AHNAK2: variants seen among roughly 807,000 people sequenced by gnomAD.
The protein encoded by AHNAK2 is AHNAK nucleoprotein 2.
A neutral mutation model predicts 30.7 loss-of-function variants in AHNAK2; 18 were observed. The ratio of observed to expected loss-of-function variants is 0.59; its 90% CI spans 0.41 to 0.87. The LOEUF is 0.87. Ranked by LOEUF, AHNAK2 falls within the 40% of genes least tolerant of loss-of-function variation. The pLI, the probability that AHNAK2 is intolerant of heterozygous loss-of-function variation, is 0.00. For synonymous variants in AHNAK2, 3,590 were observed against 3,073.8 expected (o/e 1.17, Z -5.56); for missense variants, 8,604 against 7,373.0 (o/e 1.17, Z -6.11).
chr14:104,947,754 A>C lies in AHNAK2; in HGVS notation c.7697T>G (p.Leu2566Arg). Residue 2566 changes from leucine (L) to arginine (R), a missense_variant, in exon 7 of 7, where the codon CTG becomes CGG. By Grantham distance (102) the Leu-to-Arg change is moderately radical. Transcript: ENST00000333244. ...VPEGAGLKGH[L>R]PKVQMPSFKM... The stretch of plus-strand genomic sequence containing the variant: ...GAAACTGGGCATCTGCACCTTGGGC[A>C]GGTGCCCTTTGAGGCCGGCTCCCTC... 6.2e-7 allele frequency: 1 copy of C among 1,612,734 alleles called. No homozygotes were observed. Among genetic ancestry groups the C allele is most frequent in the Non-Finnish European group, 8.5e-7 (1 of 1,179,578 alleles).
Position 104,941,319 on chromosome 14 carries a change from A to G in AHNAK2, c.14132T>C (p.Phe4711Ser). 1 of 1,613,578 alleles carries G rather than the reference A, an allele frequency of 6.2e-7. No homozygotes were observed. Among genetic ancestry groups the G allele is most frequent in the South Asian group, 1.1e-5 (1 of 91,054 alleles). ...KLHFKVPKVS[F>S]SSTKTPKDSL... Reference sequence around the variant, plus strand: ...ATCTTTAGGAGTTTTGGTAGAAGAAAATGAAACTTTGGGCACTTTAAAATG... The same window carrying G: ...ATCTTTAGGAGTTTTGGTAGAAGAAGATGAAACTTTGGGCACTTTAAAATG... Residue 4711 changes from phenylalanine to serine, a missense_variant, in exon 7 of 7, where the codon TTT (phenylalanine) becomes TCT (serine). Coordinates refer to ENST00000333244, the MANE Select transcript of AHNAK2 (RefSeq NM_138420.4).
In AHNAK2 at chr14:104,944,176, C is replaced by T. The variant is rs370195137; in HGVS notation, c.11275G>A (p.Ala3759Thr). ...GGCAGAGACACCTCCACATCAGGGG[C>T]TGTGACTTCCGCCTTGGAGACTTTT... ...DLKVSKAEVT[A>T]PDVEVSLPSV... The change falls in exon 7 of 7, where the codon GCC (alanine) becomes ACC (threonine). Residue 3759 changes from alanine to threonine, a missense_variant. Ala to Thr is a moderately conservative substitution (Grantham distance 58). Transcript: ENST00000333244. 3 of 1,612,734 alleles carry T rather than the reference C, an allele frequency of 1.9e-6. No individual in the cohort carries two copies. The highest frequency in any genetic ancestry group is 2.7e-5 in the African/African-American group (2 of 74,776).
chr14:104,950,304 T>A lies in AHNAK2; in HGVS notation c.5147A>T (p.Glu1716Val), dbSNP rs368800198. 6.9e-6 allele frequency: 11 copies of A among 1,584,142 alleles called. 1 individual carries two copies. The highest frequency in any genetic ancestry group is 2.8e-5 in the African/African-American group (2 of 71,450). Residue 1716 changes from glutamate (E) to valine (V), a missense_variant, in exon 7 of 7, where the codon GAG becomes GTG. Transcript: ENST00000333244. ...CACGTTCACTTGGCCAGCCTGGACC[T>A]CCAGGTCGGCGGAAGGGGACTGAAT... Reference protein sequence around the residue: ...LSIQSPSADLEVQAGQVNVKL... With the variant: ...LSIQSPSADLVVQAGQVNVKL...
At chr14:104,973,996 C>T (rs1264223481) in intron 1 of AHNAK2, among the ~76,000 whole-genome samples, 1 of 152,034 alleles carries the variant, frequency 6.6e-6, no homozygotes, top group African/African-American at 2.4e-5. Flanking sequence ...CCCCTGCCTC[C>T]TGGGCTCAGC....
chr14:104,945,943 C>G lies in AHNAK2; in HGVS notation c.9508G>C (p.Ala3170Pro). ...CTCAGGTCGGCCTCCACCTTTGGCG[C>G]AGACACATCCACCAAGACCTCAATG... ...KSIEVLVDVS[A>P]PKVEADLSLP... The change falls in exon 7 of 7, where the codon GCG (alanine) becomes CCG (proline). Residue 3170 changes from alanine (A) to proline (P), a missense_variant. By Grantham distance (27) the Ala-to-Pro change is conservative (BLOSUM62 -1). Coordinates refer to ENST00000333244, the MANE Select transcript of AHNAK2 (RefSeq NM_138420.4). 8.0e-7 allele frequency: 1 copy of G among 1,249,928 alleles called. No homozygotes were observed. The highest frequency in any genetic ancestry group is 1.1e-6 in the Non-Finnish European group (1 of 882,626). The allele number at this position is 1,249,928 out of a possible 1,614,324, so 77.4% of individuals were successfully genotyped here.
rs1325043371 is a variant in AHNAK2 at position 104,939,780 on chromosome 14, G to A, written c.15671C>T (p.Thr5224Ile). ...EVAQTQAPAA[T>I]GGEAAAKVKE... is the part of the protein sequence containing the mutation. ...GACTTTAGCTGCTGCTTCACCCCCT[G>A]TTGCTGCCGGTGCCTGTGTCTGAGC... is the stretch of plus-strand genomic sequence containing the variant. Residue 5224 changes from threonine to isoleucine, a missense_variant, in exon 7 of 7, where the codon ACA becomes ATA. Coordinates refer to ENST00000333244, the MANE Select transcript of AHNAK2 (RefSeq NM_138420.4). The A allele has an allele frequency of 1.8e-5, 29 of 1,613,568 alleles. No homozygotes were observed. The highest frequency in any genetic ancestry group is 2.5e-5 in the Non-Finnish European group (29 of 1,179,900).
In AHNAK2 at chr14:104,948,153, G is replaced by T; in HGVS notation, c.7298C>A (p.Pro2433His). ...GTCGGGGGCCATCACGTCCGTCTTGGGGCCTTTCAGGTCCAGCTTGGGGCC... is the reference window on the plus strand; with the variant it reads ...GTCGGGGGCCATCACGTCCGTCTTGTGGCCTTTCAGGTCCAGCTTGGGGCC... The part of the protein sequence containing the change: ...VKGPKLDLKG[P>H]KTDVMAPDVE... Residue 2433 changes from proline to histidine, a missense_variant, in exon 7 of 7, where the codon CCC (proline) becomes CAC (histidine). Coordinates refer to ENST00000333244, the MANE Select transcript of AHNAK2 (RefSeq NM_138420.4). 3 of 1,612,500 alleles carry T rather than the reference G, an allele frequency of 1.9e-6. No individual in the cohort carries two copies. The highest frequency in any genetic ancestry group is 2.5e-6 in the Non-Finnish European group (3 of 1,179,560).
At position 104,944,113 on chromosome 14, in the gene AHNAK2, G is replaced by C. The variant is rs201137282; in HGVS notation, c.11338C>G (p.Leu3780Val). The change falls in exon 7 of 7, where the codon CTG becomes GTG. Residue 3780 changes from leucine to valine, a missense_variant. By Grantham distance (32) the Leu-to-Val change is conservative (BLOSUM62 1). Transcript: ENST00000333244. ...TCCCCCTCCAGCTGTGCACTATCCA[G>C]TTTGGCTCTTGGGGCCTGGACGTCC... The part of the protein sequence containing the change: ...EVDVQAPRAK[L>V]DSAQLEGDLS... 167 of 1,613,148 alleles carry C rather than the reference G, an allele frequency of 1.0e-4. No homozygotes were observed. The African/African-American group carries it at 1.9e-3, about 19-fold the overall frequency.
In AHNAK2 at chr14:104,939,950, A is replaced by G. The variant is rs772740500; in HGVS notation, c.15501T>C (p.Asp5167=). 6.2e-7 allele frequency: 1 copy of G among 1,611,948 alleles called. No individual in the cohort carries two copies. The highest frequency in any genetic ancestry group is 2.2e-5 in the East Asian group (1 of 44,880). Residue 5167 remains aspartate (D), a synonymous_variant, in exon 7 of 7, where the codon GAT becomes GAC. Coordinates refer to ENST00000333244, the MANE Select transcript of AHNAK2 (RefSeq NM_138420.4). ...GGCTTTCCACTGTGAGGACTTCAGCATCTGGTTTTCTACAGGATGGCTGGA... is the reference window on the plus strand; with the variant it reads ...GGCTTTCCACTGTGAGGACTTCAGCGTCTGGTTTTCTACAGGATGGCTGGA... The part of the protein sequence containing the change: ...DPLQPSCRKP[D]AEVLTVESPE...
chr14:104,946,696 T>C lies in AHNAK2; in HGVS notation c.8755A>G (p.Lys2919Glu). Residue 2919 changes from lysine (K) to glutamate (E), a missense_variant, in exon 7 of 7, where the codon AAG (lysine) becomes GAG (glutamate). Transcript: ENST00000333244. ...CCTTTCAGGTCCAGCTTGGGGCCCT[T>C]GACGTCTATCTGGGGGCCCTTGAGA... Reference protein sequence around the residue: ...VDLKGPQIDVKGPKLDLKGPK... With the variant: ...VDLKGPQIDVEGPKLDLKGPK... The C allele has an allele frequency of 1.2e-6, 2 of 1,612,610 alleles. No homozygotes were observed. Among genetic ancestry groups the C allele is most frequent in the East Asian group, 2.2e-5 (1 of 44,726 alleles).
At chr14:104,972,823 A>C (rs112883459) in intron 1 of AHNAK2, among the ~76,000 whole-genome samples, 2,536 of 152,328 alleles carry the variant, frequency 0.017, 71 homozygotes, top group African/African-American at 0.058. Context: ...AGGCACTCAG[A>C]ACCGAGCCCT....
chr14:104,947,498 G>C lies in AHNAK2; in HGVS notation c.7953C>G (p.Pro2651=), dbSNP rs776433329. Reference sequence around the variant, plus strand: ...CCCTGAATGATGGCATCTTGAACTTGGGCATTTTGAACTTGCTATCTTTGG... The same window carrying C: ...CCCTGAATGATGGCATCTTGAACTTCGGCATTTTGAACTTGCTATCTTTGG... ...VTAKDSKFKM[P]KFKMPSFRVS... Residue 2651 remains proline (P), a synonymous_variant, in exon 7 of 7, where the codon CCC becomes CCG. Coordinates refer to ENST00000333244, the MANE Select transcript of AHNAK2 (RefSeq NM_138420.4). The C allele has an allele frequency of 5.0e-6, 8 of 1,612,744 alleles. No homozygotes were observed. Among genetic ancestry groups the C allele is most frequent in the Middle Eastern group, 1.7e-4 (1 of 6,052 alleles).
intron 1 of AHNAK2, among the ~76,000 whole-genome samples, chr14:104,976,066 G>C (rs969813357): frequency 1.3e-5 from 2 of 152,174 alleles, no homozygotes; most frequent in Admixed American, 1.3e-4. Context: ...GGTCGTGGGA[G>C]GTGCTCAGGC....
At chr14:104,972,468 CG>C (rs1340728858) in intron 1 of AHNAK2, among the ~76,000 whole-genome samples, 1 of 152,186 alleles carries the variant, frequency 6.6e-6, no homozygotes, top group Non-Finnish European at 1.5e-5. Flanking sequence ...TGGCACAGAG[CG>C]GGGCCGTCAT....
chr14:104,954,026 T>G lies in AHNAK2; in HGVS notation c.1425A>C (p.Thr475=), dbSNP rs772508821. Residue 475 remains threonine, a synonymous_variant, in exon 7 of 7, where the codon ACA becomes ACC. Coordinates refer to ENST00000333244, the MANE Select transcript of AHNAK2 (RefSeq NM_138420.4). The surrounding 1 kb of genome is among the most constrained non-coding windows in gnomAD (Gnocchi z 4.3). ...CCCTAATTTCTGGTGGGCCAATCTGTGTGCCTCCTTCGGTTGTGTCTCTCA... is the reference window on the plus strand; with the variant it reads ...CCCTAATTTCTGGTGGGCCAATCTGGGTGCCTCCTTCGGTTGTGTCTCTCA... The part of the protein sequence containing the change: ...LSLRDTTEGG[T]QIGPPEIRVR... 1 of 1,613,728 alleles carries G rather than the reference T, an allele frequency of 6.2e-7. No homozygotes were observed. The highest frequency in any genetic ancestry group is 8.5e-7 in the Non-Finnish European group (1 of 1,179,862).
intron 1 of AHNAK2, among the ~76,000 whole-genome samples, chr14:104,973,848 C>CGAGTG (rs1232755868): frequency 6.6e-6 from 1 of 152,178 alleles, no homozygotes; most frequent in Non-Finnish European, 1.5e-5. Flanking sequence ...TCAGCAGGTC[C>CGAGTG]GAGTGCGCAG....
chr14:104,937,334 T>C lies in AHNAK2; in HGVS notation c.*729A>G, dbSNP rs1327214672. On this transcript the variant is annotated 3_prime_UTR_variant, in exon 7 of 7. Coordinates refer to ENST00000333244, the MANE Select transcript of AHNAK2 (RefSeq NM_138420.4). ...TGCATTCTGGCTGCAGCGTGTACAT[T>C]AGGGGACTCAGGGGCCACAGTGTGG... 1 of 152,160 alleles carries C rather than the reference T, an allele frequency of 6.6e-6. No homozygotes were observed. 9.4% of individuals were successfully genotyped at this position (152,160 alleles called of 1,614,324 possible). A position where few individuals can be genotyped will look rare whatever the true frequency, so the allele number is the denominator to read the frequency against.
In AHNAK2 at chr14:104,944,608, G is replaced by A. The variant is rs781143837; in HGVS notation, c.10843C>T (p.Leu3615=). The A allele has an allele frequency of 6.2e-7, 1 of 1,613,212 alleles. No homozygotes were observed. The highest frequency in any genetic ancestry group is 8.5e-7 in the Non-Finnish European group (1 of 1,179,682). ...TCTCCCTCCAGCCGCCCAGCATCCAGCTTGGCCTTCGGGGCCTGGACATCC... is the reference window on the plus strand; with the variant it reads ...TCTCCCTCCAGCCGCCCAGCATCCAACTTGGCCTTCGGGGCCTGGACATCC... ...EVDVQAPKAK[L]DAGRLEGDLS... Residue 3615 remains leucine (L), a synonymous_variant, in exon 7 of 7, where the codon CTG becomes TTG. Coordinates refer to ENST00000333244, the MANE Select transcript of AHNAK2 (RefSeq NM_138420.4).
intron 1 of AHNAK2, among the ~76,000 whole-genome samples, chr14:104,961,439 C>T (rs947712537): frequency 5.6e-5 from 8 of 143,884 alleles, no homozygotes; most frequent in South Asian, 2.2e-4. Flanking sequence ...GCGTGAACCC[C>T]GGGGGGCGGA....
Sources: gnomAD v4.1 joint callset for allele counts (sites outside exome capture counted in the v4.1 genomes callset) on GRCh38, gnomAD v4.1.1 for gene constraint, Gnocchi (gnomAD v3.1) non-coding constraint, MANE v1.5 for transcripts, NCBI Gene and HGNC (gene_info 2026-07-23, HGNC 2026-07-21) for gene names.